Variants in CENPK observed in about 807,000 individuals in gnomAD.
CENPK encodes the protein centromere protein K, also known as SoxLZ/Sox6-binding protein Solt.
In CENPK, 46 loss-of-function variants were observed where a neutral mutation model predicts 40.9. That is an observed-to-expected ratio of 1.13 (90% confidence interval 0.89 to 1.44). CENPK has a LOEUF of 1.44. CENPK is among the 40% of genes most tolerant of loss of function. The pLI is 0.00. For missense variants in CENPK, 288 were observed against 303.5 expected, an observed-to-expected ratio of 0.95 and a Z score of 0.38; for synonymous variants, 107 against 104.4, an observed-to-expected ratio of 1.02 and a Z score of -0.15.
At chr5:65,503,350 G>A in the CENPK span, among the ~76,000 whole-genome samples, 4 of 151,962 alleles carry the variant, frequency 2.6e-5, no homozygotes, top group Admixed American at 6.6e-5. Context: ...CAAGTGATCC[G>A]CCTGCCTCGG....
intron 5 of CENPK, among the ~76,000 whole-genome samples, chr5:65,543,295 T>C (rs189270558): frequency 2.2e-4 from 33 of 152,336 alleles, no homozygotes; most frequent in Admixed American, 2.2e-3. Flanking sequence ...TAGCCAACTA[T>C]ATATAATTTT....
rs1235405748 is a variant in CENPK at position 65,560,473 on chromosome 5, T to C, written c.-40+990A>G. Among the ~76,000 whole-genome samples the C allele has an allele frequency of 2.6e-5, 4 of 152,268 alleles. No individual in the cohort carries two copies. In the East Asian group the frequency reaches 5.8e-4, roughly 22 times the overall value. ...TTTTTGACTAGCATGATGGTAAGGG[T>C]GTTCACCTCATAATAATTAGTAAAC... On this transcript the variant is annotated intron_variant, in intron 2 of 10. Coordinates refer to ENST00000396679, the MANE Select transcript of CENPK (RefSeq NM_022145.5).
At chr5:65,556,774 T>C (rs995867028) in intron 2 of CENPK, among the ~76,000 whole-genome samples, 1 of 152,230 alleles carries the variant, frequency 6.6e-6, no homozygotes, top group Non-Finnish European at 1.5e-5. Flanking sequence ...GCTACATTCA[T>C]GGTAAAAGCC....
chr5:65,546,034 C>A (rs55732911), intron 5 of CENPK, among the ~76,000 whole-genome samples: 34,937 of 152,110 alleles, frequency 0.23, 4,405 homozygotes, highest in Non-Finnish European at 0.28. Flanking sequence ...TATTTTTTAA[C>A]TTTTCTTTAA....
In CENPK at chr5:65,552,484, G is replaced by T; in HGVS notation, c.168+9C>A. 6.7e-7 allele frequency: 1 copy of T among 1,498,462 alleles called. No homozygotes were observed. The highest frequency in any genetic ancestry group is 1.4e-5 in the African/African-American group (1 of 69,688). 92.8% of individuals were successfully genotyped at this position (1,498,462 alleles called of 1,614,324 possible). A position where few individuals can be genotyped will look rare whatever the true frequency, so the allele number is the denominator to read the frequency against. On this transcript the variant is annotated intron_variant, in intron 4 of 10. Coordinates refer to ENST00000396679, the MANE Select transcript of CENPK (RefSeq NM_022145.5). ...ACCTTGTATTTTTTAGGAAGAAAAA[G>T]ATTCATACCTGAGCATTTGAATCGG...
At chr5:65,552,091 C>A (rs1425682574) in intron 4 of CENPK, among the ~76,000 whole-genome samples, 1 of 151,796 alleles carries the variant, frequency 6.6e-6, no homozygotes, top group East Asian at 1.9e-4. Flanking sequence ...TCCTGAGTAG[C>A]TGGGATCATA....
In CENPK at chr5:65,538,813, G is replaced by A. The variant is rs532497267; in HGVS notation, c.288+3989C>T. Reference sequence around the variant, plus strand: ...TAATGTCTCCATATCATATACTTCCGGTTCTCAGATATATAGGTAAGAAGT... The same window carrying A: ...TAATGTCTCCATATCATATACTTCCAGTTCTCAGATATATAGGTAAGAAGT... On this transcript the variant is annotated intron_variant, in intron 6 of 10. Transcript: ENST00000396679. 6.6e-5 allele frequency among the ~76,000 whole-genome samples: 10 copies of A among 152,148 alleles called. No homozygotes were observed. The East Asian group carries it at 1.2e-3, about 18-fold the overall frequency.
At chr5:65,561,386 A>G (rs546274675) in intron 2 of CENPK, 77 bp downstream of exon 2, 20 of 354,114 alleles carry the variant, frequency 5.6e-5, no homozygotes, top group South Asian at 3.7e-4. Flanking sequence ...TAAATATTCA[A>G]CAAATTATCT....
At chr5:65,526,420 T>C (rs920043530) in intron 9 of CENPK, among the ~76,000 whole-genome samples, 2 of 152,082 alleles carry the variant, frequency 1.3e-5, no homozygotes, top group Non-Finnish European at 2.9e-5. Context: ...TAGACAATTA[T>C]AAATAAGGGA....
rs187244019 is a variant in CENPK, at chr5:65,527,964, A to T, written c.597+488T>A. 2.7e-4 allele frequency among the ~76,000 whole-genome samples: 41 copies of T among 152,304 alleles called. No individual in the cohort carries two copies. The East Asian group carries it at 7.9e-3, about 29-fold the overall frequency. ...ATACTCTGGCTGGGCGCAGTGGCTC[A>T]CACCTGTAATCCTAGCATCTAATCG... On this transcript the variant is annotated intron_variant, in intron 9 of 10. Transcript: ENST00000396679.
chr5:65,560,641 C>A (rs1292186655), intron 2 of CENPK, among the ~76,000 whole-genome samples: 1 of 152,058 alleles, frequency 6.6e-6, no homozygotes, highest in Non-Finnish European at 1.5e-5. Flanking sequence ...CATTCATAAG[C>A]TCATATATAA....
rs765236390 is a variant in CENPK, at chr5:65,542,829, G to A, written c.261C>T (p.Asp87=). 1.3e-5 allele frequency: 21 copies of A among 1,610,144 alleles called. No homozygotes were observed. Among genetic ancestry groups the A allele is most frequent in the East Asian group, 4.5e-5 (2 of 44,750 alleles). ...KTPETIPLTE[D]VLITLGKEEF... Reference sequence around the variant, plus strand: ...CTTCTTTTCCTAATGTTATGAGAACGTCTTCAGTCAAGGGAATTGCTACAA... The same window carrying A: ...CTTCTTTTCCTAATGTTATGAGAACATCTTCAGTCAAGGGAATTGCTACAA... The change falls in exon 6 of 11, where the codon GAC becomes GAT. Residue 87 remains aspartate, a synonymous_variant. Transcript: ENST00000396679.
chr5:65,561,363 G>A (rs76149995), intron 2 of CENPK, 100 bp downstream of exon 2: 473 of 294,352 alleles, frequency 1.6e-3, no homozygotes, highest in African/African-American at 9.1e-3. Context: ...TGGTGGGGGC[G>A]GAGGGTGAGG....
downstream of CENPK, among the ~76,000 whole-genome samples, chr5:65,514,355 C>A (rs1449469369): frequency 6.8e-6 from 1 of 147,224 alleles, no homozygotes; most frequent in Non-Finnish European, 1.5e-5. Flanking sequence ...CCTCCCCATC[C>A]CAGGGTTCAA....
At chr5:65,555,282 A>G (rs1750789940) in intron 2 of CENPK, 1 of 164,744 alleles carries the variant, frequency 6.1e-6, no homozygotes, top group African/African-American at 2.4e-5. Flanking sequence ...GAAGATAAAG[A>G]AATGAGGTCA....
chr5:65,524,146 C>T (rs1175374288), intron 9 of CENPK, among the ~76,000 whole-genome samples: 3 of 151,574 alleles, frequency 2.0e-5, no homozygotes, highest in African/African-American at 4.9e-5. Flanking sequence ...GAGGCCAAGG[C>T]GGGCAGATCA....
intron 9 of CENPK, among the ~76,000 whole-genome samples, chr5:65,526,217 T>TG (rs1205868368): frequency 2.7e-4 from 15 of 54,602 alleles, no homozygotes; most frequent in Non-Finnish European, 4.8e-4. Flanking sequence ...TTGAAAAAAA[T>TG]TTGAAAAAAA....
intron 9 of CENPK, among the ~76,000 whole-genome samples, chr5:65,521,893 C>T (rs1012388244): frequency 1.3e-5 from 2 of 152,092 alleles, no homozygotes; most frequent in African/African-American, 2.4e-5. Flanking sequence ...TGAGCCACCG[C>T]GTTTGGCCAA....
chr5:65,528,701 T>G, intron 8 of CENPK, 123 bp from the exon 9 acceptor site: 1 of 1,239,682 alleles, frequency 8.1e-7, no homozygotes, highest in Non-Finnish European at 1.1e-6. Context: ...ACCAAATAAC[T>G]ACCTTTTTGA....
Sources: allele counts gnomAD v4.1 joint callset (sites outside exome capture counted in the v4.1 genomes callset), GRCh38; gene constraint gnomAD v4.1.1; transcripts MANE v1.5; gene names NCBI Gene and HGNC (gene_info 2026-07-23, HGNC 2026-07-21).